VSIG1: variants seen among roughly 807,000 people sequenced by gnomAD.
The protein encoded by VSIG1 is V-set and immunoglobulin domain-containing protein 1.
In VSIG1, 11 loss-of-function variants were observed where a neutral mutation model predicts 20.1. The ratio of observed to expected loss-of-function variants is 0.55; its 90% CI spans 0.34 to 0.91. The LOEUF is 0.91. Ranked by LOEUF, VSIG1 falls within the 40% of genes least tolerant of loss-of-function variation. The probability of loss-of-function intolerance (pLI) is 0.02; values close to 1 mark genes in which losing one functional copy is unlikely to be tolerated. For missense variants in VSIG1, 283 were observed against 298.8 expected, an observed-to-expected ratio of 0.95 and a Z score of 0.39; for synonymous variants, 126 against 116.7, an observed-to-expected ratio of 1.08 and a Z score of -0.52.
In VSIG1 at chrX:108,077,410, T is replaced by C; in HGVS notation, c.*29T>C. ...GGTGGCCTAAGTACAGCATTAATCA[T>C]TAAGGAACCCATTACTGCCATTTGG... is the stretch of plus-strand genomic sequence containing the variant. On this transcript the variant is annotated 3_prime_UTR_variant, in exon 7 of 7. Transcript: ENST00000217957. 1 of 1,172,851 alleles carries C rather than the reference T, an allele frequency of 8.5e-7. No individual in the cohort carries two copies. Among genetic ancestry groups the C allele is most frequent in the Non-Finnish European group, 1.1e-6 (1 of 873,491 alleles).
the VSIG1 span, among the ~76,000 whole-genome samples, chrX:108,027,423 G>A: frequency 8.9e-6 from 1 of 112,080 alleles, no homozygotes; most frequent in Non-Finnish European, 1.9e-5. Flanking sequence ...AGGCCACATA[G>A]TGTATAATTT....
the VSIG1 span, among the ~76,000 whole-genome samples, chrX:108,032,593 G>A: frequency 8.9e-6 from 1 of 111,849 alleles, no homozygotes; most frequent in African/African-American, 3.3e-5. Context: ...GGAAGGGATC[G>A]CTGAGAAGGT....
chrX:108,048,371 T>C (rs1294845745), intron 1 of VSIG1, among the ~76,000 whole-genome samples: 1 of 112,184 alleles, frequency 8.9e-6, no homozygotes, highest in Non-Finnish European at 1.9e-5. Flanking sequence ...ATAAGCACTT[T>C]TTTAATTATT....
chrX:108,063,962 T>C (rs768361481), intron 2 of VSIG1, among the ~76,000 whole-genome samples: 1 of 112,202 alleles, frequency 8.9e-6, no homozygotes, highest in East Asian at 2.8e-4. Context: ...GACGTCTAAA[T>C]TGATAATATT....
At chrX:108,067,882 G>A (rs930545232) in intron 3 of VSIG1, among the ~76,000 whole-genome samples, 1 of 111,776 alleles carries the variant, frequency 8.9e-6, no homozygotes, top group Admixed American at 9.5e-5. Flanking sequence ...GGGAAGTATC[G>A]AAGCAAGGGA....
intron 1 of VSIG1, among the ~76,000 whole-genome samples, chrX:108,051,381 C>A (rs1239126489): frequency 9.0e-6 from 1 of 111,433 alleles, no homozygotes; most frequent in Non-Finnish European, 1.9e-5. Context: ...CTCCTTCAGG[C>A]GATATGATCT....
the VSIG1 span, among the ~76,000 whole-genome samples, chrX:108,024,997 T>C: frequency 9.0e-6 from 1 of 111,465 alleles, no homozygotes. Flanking sequence ...GTCTTCTGTT[T>C]CCTTGGTGAT....
chrX:108,061,846 G>C (rs1376230898), intron 2 of VSIG1, among the ~76,000 whole-genome samples: 1 of 110,071 alleles, frequency 9.1e-6, no homozygotes, highest in African/African-American at 3.3e-5. Flanking sequence ...CTGAGGCCTG[G>C]TATTCCTCAA....
At chrX:108,073,394 G>C in intron 5 of VSIG1, 25 bp downstream of exon 5, 1 of 1,203,861 alleles carries the variant, frequency 8.3e-7, no homozygotes, top group Admixed American at 2.2e-5. Flanking sequence ...CAACTTTAAC[G>C]GTTTCTCCTT....
intron 2 of VSIG1, among the ~76,000 whole-genome samples, chrX:108,058,923 G>GGTGT (rs35330502): frequency 6.1e-4 from 64 of 105,703 alleles, no homozygotes; most frequent in Middle Eastern, 1.0e-2. Context: ...TATACTCAAA[G>GGTGT]GTGTGTGTGT....
At chrX:108,056,990 A>T (rs1048452149) in intron 1 of VSIG1, among the ~76,000 whole-genome samples, 3 of 112,374 alleles carry the variant, frequency 2.7e-5, no homozygotes, top group Non-Finnish European at 5.6e-5. Context: ...AACAGCCCAG[A>T]TGTCCTTAAA....
rs1421202221 is a variant in VSIG1, at chrX:108,076,181, G to A, written c.793G>A (p.Ala265Thr). The change falls in exon 6 of 7, where the codon GCA (alanine) becomes ACA (threonine). Residue 265 changes from alanine to threonine, a missense_variant. Ala to Thr is a moderately conservative substitution (Grantham distance 58). Transcript: ENST00000217957. ...CGCAAGGAATAAGGCAAAAGCAAAG[G>A]CAAAAGAAAGAAATTCTAAGACCAT... ...CFARNKAKAK[A>T]KERNSKTIAE... 1 of 1,208,904 alleles carries A rather than the reference G, an allele frequency of 8.3e-7. No homozygotes were observed. Among genetic ancestry groups the A allele is most frequent in the East Asian group, 3.0e-5 (1 of 33,789 alleles).
chrX:108,042,931 T>C (rs1240067098), upstream of VSIG1, among the ~76,000 whole-genome samples: 2 of 110,832 alleles, frequency 1.8e-5, no homozygotes, highest in African/African-American at 6.6e-5. Context: ...CTTCCTAACA[T>C]GGAGCTGCTG....
chrX:108,045,140 G>A lies in VSIG1; in HGVS notation c.10G>A (p.Ala4Thr), dbSNP rs747579950. MVF[A>T]FWKVFLILSC... ...AACTAACCTCCACACAATGGTGTTC[G>A]CATTTTGGAAGGTCTTTCTGATCCT... The change falls in exon 1 of 7, where the codon GCA becomes ACA. Residue 4 changes from alanine to threonine, a missense_variant. By Grantham distance (58) the Ala-to-Thr change is moderately conservative (BLOSUM62 0). Coordinates refer to ENST00000217957, the MANE Select transcript of VSIG1 (RefSeq NM_182607.5). 35 of 1,188,925 alleles carry A rather than the reference G, an allele frequency of 2.9e-5. No individual in the cohort carries two copies. The highest frequency in any genetic ancestry group is 2.3e-4 in the Middle Eastern group (1 of 4,281).
rs1180328600 is a variant in VSIG1, at chrX:108,067,141, G to A, written c.412+7G>A. The A allele has an allele frequency of 5.0e-6, 6 of 1,208,723 alleles. No homozygotes were observed. In the African/African-American group the frequency reaches 8.8e-5, roughly 18 times the overall value. On this transcript the variant is annotated splice_region_variant and intron_variant, in intron 3 of 6. Coordinates refer to ENST00000217957, the MANE Select transcript of VSIG1 (RefSeq NM_182607.5). ...CTCAACGTCAGTGTGTTAGGTATGA[G>A]CACTTTTTTCTGCTTTTTCTTTTCT...
chrX:108,045,956 TACTAGGCGTATTAATG>T (rs2030565000), intron 1 of VSIG1, among the ~76,000 whole-genome samples: 1 of 111,710 alleles, frequency 9.0e-6, no homozygotes, highest in Admixed American at 9.6e-5. Flanking sequence ...GAATGAGGTT[TACTAGGCGTATTAATG>T]ACATAAGAAA....
At chrX:108,026,354 T>C in the VSIG1 span, among the ~76,000 whole-genome samples, 1 of 111,630 alleles carries the variant, frequency 9.0e-6, no homozygotes, top group Middle Eastern at 4.6e-3. Context: ...AGCATACTGG[T>C]CAGACAGGGC....
In VSIG1 at chrX:108,047,889, C is replaced by CATATATATACATATATATACATATAT. The variant is rs1487857365; in HGVS notation, c.49+2711_49+2712insTATATATACATATATATACATATATA. On this transcript the variant is annotated intron_variant, in intron 1 of 6. Coordinates refer to ENST00000217957, the MANE Select transcript of VSIG1 (RefSeq NM_182607.5). ...ATATATACACATATATATATATACA[C>CATATATATACATATATATACATATAT]ACATATATATATATACACATATATA... is the stretch of plus-strand genomic sequence containing the variant. Among the ~76,000 whole-genome samples the CATATATATACATATATATACATATAT allele has an allele frequency of 1.0e-4, 3 of 29,641 alleles. No individual in the cohort carries two copies. In the East Asian group the frequency reaches 2.5e-3, roughly 25 times the overall value. The allele number at this position is 29,641 out of a possible 115,157, so 25.7% of individuals were successfully genotyped here.
chrX:108,067,580 A>T (rs900644907), intron 3 of VSIG1, among the ~76,000 whole-genome samples: 10 of 112,607 alleles, frequency 8.9e-5, no homozygotes, highest in Non-Finnish European at 1.9e-4. Context: ...AAATAAAGAC[A>T]GGAGAGTCCC....
Sources: allele counts gnomAD v4.1 joint callset (sites outside exome capture counted in the v4.1 genomes callset), GRCh38; gene constraint gnomAD v4.1.1; transcripts MANE v1.5; gene names NCBI Gene and HGNC (gene_info 2026-07-23, HGNC 2026-07-21).